ZFP36L2: variants seen among roughly 807,000 people sequenced by gnomAD.
The protein encoded by ZFP36L2 is ZFP36 like 2 zinc finger CCCH-type, also known as mRNA decay activator protein ZFP36L2.
In ZFP36L2, 16 loss-of-function variants were observed where a neutral mutation model predicts 27.9. That is an observed-to-expected ratio of 0.57 (90% CI 0.39 to 0.87). The LOEUF (loss-of-function observed/expected upper bound fraction) is 0.87, where lower values mean the gene tolerates loss of function less well. Among genes scored for constraint, ZFP36L2 ranks in the 40% least tolerant of loss-of-function variants. The pLI, the probability that ZFP36L2 is intolerant of heterozygous loss-of-function variation, is 0.00. For missense variants in ZFP36L2, 989 were observed against 726.9 expected, an observed-to-expected ratio of 1.36 and a Z score of -4.15; for synonymous variants, 600 against 363.8, an observed-to-expected ratio of 1.65 and a Z score of -7.39.
Position 43,225,134 on chromosome 2 carries a change from C to T in ZFP36L2, c.670G>A (p.Ala224Thr), listed in dbSNP as rs1667061084. The change falls in exon 2 of 2, where the codon GCG becomes ACG. Residue 224 changes from alanine to threonine, a missense_variant. Ala to Thr is a moderately conservative substitution (Grantham distance 58). Transcript: ENST00000282388. ...FIHNADERRP[A>T]PSGGASGDLR... ...TCCCCGGAGGCGCCCCCCGACGGCG[C>T]GGGCCGCCGCTCGTCCGCGTTGTGG... 3 of 1,593,314 alleles carry T rather than the reference C, an allele frequency of 1.9e-6. No homozygotes were observed. In the African/African-American group the frequency reaches 4.0e-5, roughly 21 times the overall value.
rs1263112629 is a variant in ZFP36L2 at position 43,225,467 on chromosome 2, G to C, written c.337C>G (p.Leu113Val). The change falls in exon 2 of 2, where the codon CTC (leucine) becomes GTC (valine). Residue 113 changes from leucine to valine, a missense_variant. Leu to Val is a conservative substitution (Grantham distance 32). Coordinates refer to ENST00000282388, the MANE Select transcript of ZFP36L2 (RefSeq NM_006887.5). ...EPSGGGGTAL[L>V]NKENKFRDRS... The stretch of plus-strand genomic sequence containing the variant: ...TCCCGGAATTTGTTCTCCTTGTTGA[G>C]CAGGGCTGTGCCGCCGCCCCCCGAC... The C allele has an allele frequency of 1.2e-6, 2 of 1,611,750 alleles. No homozygotes were observed. The highest frequency in any genetic ancestry group is 1.7e-6 in the Non-Finnish European group (2 of 1,179,184).
chr2:43,224,707 C>CCGAAGG lies in ZFP36L2; in HGVS notation c.1091_1096dup (p.Ala364_Phe365dup). ...CGTGATGAGGCTGCTGAGCTCCGGACCGAAGGCGAAGGCGTTGTTGGCGCA... is the reference window on the plus strand; with the variant it reads ...CGTGATGAGGCTGCTGAGCTCCGGACCGAAGGCGAAGGCGAAGGCGTTGTTGGCGCA... On this transcript the variant is annotated inframe_insertion, in exon 2 of 2. Transcript: ENST00000282388. 2 of 1,535,464 alleles carry CCGAAGG rather than the reference C, an allele frequency of 1.3e-6. No homozygotes were observed. Among genetic ancestry groups the CCGAAGG allele is most frequent in the Non-Finnish European group, 1.7e-6 (2 of 1,146,944 alleles).
At position 43,224,651 on chromosome 2, in the gene ZFP36L2, C is replaced by G. The variant is rs768200034; in HGVS notation, c.1153G>C (p.Ala385Pro). 34 of 1,512,712 alleles carry G rather than the reference C, an allele frequency of 2.2e-5. No homozygotes were observed. Among genetic ancestry groups the G allele is most frequent in the Non-Finnish European group, 2.7e-5 (31 of 1,134,566 alleles). The allele number at this position is 1,512,712 out of a possible 1,614,324, so 93.7% of individuals were successfully genotyped here. A position where few individuals can be genotyped will look rare whatever the true frequency, so the allele number is the denominator to read the frequency against. ...CGGTAGTAGGCGGCGGCGGCCACGG[C>G]GGCAAAGTTGTGGGTCTGGATGGCG... ...PLAIQTHNFA[A>P]VAAAAYYRSQ... The change falls in exon 2 of 2, where the codon GCC (alanine) becomes CCC (proline). Residue 385 changes from alanine to proline, a missense_variant. Transcript: ENST00000282388.
rs768383040 is a variant in ZFP36L2 at position 43,224,599 on chromosome 2, C to G, written c.1205G>C (p.Gly402Ala). The G allele has an allele frequency of 3.6e-6, 5 of 1,386,594 alleles. No homozygotes were observed. The South Asian group carries it at 7.6e-5, about 21-fold the overall frequency. 85.9% of individuals were successfully genotyped at this position (1,386,594 alleles called of 1,614,324 possible). The part of the protein sequence containing the change: ...YRSQQQQQQQ[G>A]LAPPAQPPAP... ...CGGCGGCTGCGCGGGGGGCGCCAGG[C>G]CCTGCTGCTGCTGCTGCTGCTGACT... Residue 402 changes from glycine (G) to alanine (A), a missense_variant, in exon 2 of 2, where the codon GGC becomes GCC. Coordinates refer to ENST00000282388, the MANE Select transcript of ZFP36L2 (RefSeq NM_006887.5).
In ZFP36L2 at chr2:43,225,484, C is replaced by T. The variant is rs762367560; in HGVS notation, c.320G>A (p.Gly107Asp). 9 of 1,610,400 alleles carry T rather than the reference C, an allele frequency of 5.6e-6. No individual in the cohort carries two copies. The highest frequency in any genetic ancestry group is 3.3e-5 in the Admixed American group (2 of 59,882). The change falls in exon 2 of 2, where the codon GGC becomes GAC. Residue 107 changes from glycine (G) to aspartate (D), a missense_variant. Transcript: ENST00000282388. Reference sequence around the variant, plus strand: ...CTTGTTGAGCAGGGCTGTGCCGCCGCCCCCCGACGGCTCCTTAAGGGTGCC... The same window carrying T: ...CTTGTTGAGCAGGGCTGTGCCGCCGTCCCCCGACGGCTCCTTAAGGGTGCC... Reference protein sequence around the residue: ...SYGTLKEPSGGGGTALLNKEN... With the variant: ...SYGTLKEPSGDGGTALLNKEN...
chr2:43,226,206 A>G, intron 1 of ZFP36L2, 59 bp downstream of exon 1: 4 of 1,549,258 alleles, frequency 2.6e-6, no homozygotes, highest in Non-Finnish European at 3.5e-6. Context: ...ACCTGGGGAC[A>G]GAGGCAAAGT....
rs771017073 is a variant in ZFP36L2, at chr2:43,225,310, C to T, written c.494G>A (p.Ser165Asn). The change falls in exon 2 of 2, where the codon AGC becomes AAC. Residue 165 changes from serine (S) to asparagine (N), a missense_variant. Physicochemically the swap from Ser to Asn is conservative, Grantham distance 46. Transcript: ENST00000282388. ...CTTTTCGCCGTACTTGCACGTGCCG[C>T]TCTCCTCGAAGGGCCGGCACAGCTC... Reference protein sequence around the residue: ...KTELCRPFEESGTCKYGEKCQ... With the variant: ...KTELCRPFEENGTCKYGEKCQ... 1 of 1,612,984 alleles carries T rather than the reference C, an allele frequency of 6.2e-7. No individual in the cohort carries two copies. The highest frequency in any genetic ancestry group is 1.1e-5 in the South Asian group (1 of 91,076).
chr2:43,226,449 G>T lies in ZFP36L2; in HGVS notation c.-134C>A. 2.6e-6 allele frequency: 3 copies of T among 1,165,920 alleles called. No homozygotes were observed. Among genetic ancestry groups the T allele is most frequent in the Non-Finnish European group, 3.7e-6 (3 of 807,490 alleles). The allele number at this position is 1,165,920 out of a possible 1,614,324, so 72.2% of individuals were successfully genotyped here. A position where few individuals can be genotyped will look rare whatever the true frequency, so the allele number is the denominator to read the frequency against. ...AGGGGCCGAAAGTTTGCCGGGGGGC[G>T]AGAGGAGAGGGCGAGTGCAGCGGCG... is the stretch of plus-strand genomic sequence containing the variant. On this transcript the variant is annotated 5_prime_UTR_variant, in exon 1 of 2. Transcript: ENST00000282388.
Position 43,226,321 on chromosome 2 carries a change from T to C in ZFP36L2, c.-6A>G, listed in dbSNP as rs1441169292. On this transcript the variant is annotated 5_prime_UTR_variant, in exon 1 of 2. Coordinates refer to ENST00000282388, the MANE Select transcript of ZFP36L2 (RefSeq NM_006887.5). ...GACAGAAGTGTGGTCGACATGTTTC[T>C]GGATCCCGCAGTGGCCGGAGCGGCA... 6.3e-7 allele frequency: 1 copy of C among 1,580,602 alleles called. No individual in the cohort carries two copies. Among genetic ancestry groups the C allele is most frequent in the Non-Finnish European group, 8.6e-7 (1 of 1,162,134 alleles).
chr2:43,226,535 T>C lies in ZFP36L2; in HGVS notation c.-220A>G, dbSNP rs1667111159. The C allele has an allele frequency of 1.9e-6, 1 of 534,272 alleles. No individual in the cohort carries two copies. Among genetic ancestry groups the C allele is most frequent in the Non-Finnish European group, 3.2e-6 (1 of 311,716 alleles). The allele number at this position is 534,272 out of a possible 1,614,324, so 33.1% of individuals were successfully genotyped here. ...GGGGAAGGAGAGAAGCGAGGAGCGC[T>C]CCTCCGCGCCCCGGGGTGCCCGGCC... On this transcript the variant is annotated 5_prime_UTR_variant, in exon 1 of 2. Transcript: ENST00000282388.
chr2:43,226,149 G>A (rs1667098405), intron 1 of ZFP36L2, 116 bp downstream of exon 1: 4 of 1,432,602 alleles, frequency 2.8e-6, no homozygotes, highest in Non-Finnish European at 2.9e-6. Context: ...TGCAAACCCC[G>A]GGACTTTCCC....
chr2:43,224,089 A>C lies in ZFP36L2; in HGVS notation c.*230T>G. ...CGACTTTTTTGCTCAAAAAGAATGAAACTTCGTAATAAAAATAAAAAAAAA... is the reference window on the plus strand; with the variant it reads ...CGACTTTTTTGCTCAAAAAGAATGACACTTCGTAATAAAAATAAAAAAAAA... On this transcript the variant is annotated 3_prime_UTR_variant, in exon 2 of 2. Coordinates refer to ENST00000282388, the MANE Select transcript of ZFP36L2 (RefSeq NM_006887.5). 2.5e-6 allele frequency: 1 copy of C among 405,894 alleles called. No homozygotes were observed. The highest frequency in any genetic ancestry group is 4.3e-6 in the Non-Finnish European group (1 of 232,892). The allele number at this position is 405,894 out of a possible 1,614,324, so 25.1% of individuals were successfully genotyped here. A position where few individuals can be genotyped will look rare whatever the true frequency, so the allele number is the denominator to read the frequency against.
chr2:43,224,425 A>G lies in ZFP36L2; in HGVS notation c.1379T>C (p.Leu460Pro). 6.5e-7 allele frequency: 1 copy of G among 1,549,810 alleles called. No individual in the cohort carries two copies. Among genetic ancestry groups the G allele is most frequent in the Non-Finnish European group, 8.7e-7 (1 of 1,154,198 alleles). ...GCTGCCGGAGCTCAGGGAGCCGCTT[A>G]GGTAGCTGTCGCGGTCCGACAGCGA... ...PDSLSDRDSYLSGSLSSGSLS... is the reference protein window; with the variant it reads ...PDSLSDRDSYPSGSLSSGSLS... The change falls in exon 2 of 2, where the codon CTA becomes CCA. Residue 460 changes from leucine (L) to proline (P), a missense_variant. Leu to Pro is a moderately conservative substitution (Grantham distance 98, BLOSUM62 -3). Coordinates refer to ENST00000282388, the MANE Select transcript of ZFP36L2 (RefSeq NM_006887.5).
chr2:43,223,836 C>T lies in ZFP36L2; in HGVS notation c.*483G>A, dbSNP rs1204324993. On this transcript the variant is annotated 3_prime_UTR_variant, in exon 2 of 2. Coordinates refer to ENST00000282388, the MANE Select transcript of ZFP36L2 (RefSeq NM_006887.5). The stretch of plus-strand genomic sequence containing the variant: ...CTGGTTTGTTTACACCGGTCTGAGA[C>T]ACAATTAGGAACTTCTTCCAAGAGA... The T allele has an allele frequency of 6.5e-6, 1 of 153,752 alleles. No individual in the cohort carries two copies. Among genetic ancestry groups the T allele is most frequent in the African/African-American group, 2.4e-5 (1 of 41,476 alleles). The allele number at this position is 153,752 out of a possible 1,614,324, so 9.5% of individuals were successfully genotyped here.
rs992612703 is a variant in ZFP36L2 at position 43,223,600 on chromosome 2, G to C, written c.*719C>G. On this transcript the variant is annotated 3_prime_UTR_variant, in exon 2 of 2. Coordinates refer to ENST00000282388, the MANE Select transcript of ZFP36L2 (RefSeq NM_006887.5). ...GCTTCCAGAGGGAGCAGACAAAATG[G>C]TTCTAAACTGAACATCCACTAAGTG... 1.3e-5 allele frequency: 2 copies of C among 152,632 alleles called. No homozygotes were observed. The highest frequency in any genetic ancestry group is 2.4e-5 in the African/African-American group (1 of 41,400). 9.5% of individuals were successfully genotyped at this position (152,632 alleles called of 1,614,324 possible).
Position 43,225,377 on chromosome 2 carries a change from C to G in ZFP36L2, c.427G>C (p.Gly143Arg), listed in dbSNP as rs374546953. Residue 143 changes from glycine to arginine, a missense_variant, in exon 2 of 2, where the codon GGG (glycine) becomes CGG (arginine). Physicochemically the swap from Gly to Arg is moderately radical, Grantham distance 125. Coordinates refer to ENST00000282388, the MANE Select transcript of ZFP36L2 (RefSeq NM_006887.5). The part of the protein sequence containing the change: ...HLLHLQQQQK[G>R]GGGSQINSTR... ...GAGTTGATCTGGGAGCCGCCGCCCCCCTTCTGCTGCTGCTGCAGGTGCAGG... is the reference window on the plus strand; with the variant it reads ...GAGTTGATCTGGGAGCCGCCGCCCCGCTTCTGCTGCTGCTGCAGGTGCAGG... 38 of 1,613,674 alleles carry G rather than the reference C, an allele frequency of 2.4e-5. No individual in the cohort carries two copies. Among genetic ancestry groups the G allele is most frequent in the African/African-American group, 9.3e-5 (7 of 75,052 alleles).
chr2:43,222,614 C>T lies in ZFP36L2; in HGVS notation c.*1705G>A, dbSNP rs979747480. The T allele has an allele frequency of 5.3e-5, 8 of 152,280 alleles. No homozygotes were observed. The highest frequency in any genetic ancestry group is 9.7e-5 in the African/African-American group (4 of 41,444). 9.4% of individuals were successfully genotyped at this position (152,280 alleles called of 1,614,324 possible). On this transcript the variant is annotated 3_prime_UTR_variant, in exon 2 of 2. Coordinates refer to ENST00000282388, the MANE Select transcript of ZFP36L2 (RefSeq NM_006887.5). ...GTACCTACGTACAAACTAAAGCTAC[C>T]GCTCATTCATCTGCTGTCCAGGAAA... is the stretch of plus-strand genomic sequence containing the variant.
In ZFP36L2 at chr2:43,225,071, C is replaced by G. The variant is rs1667059403; in HGVS notation, c.733G>C (p.Gly245Arg). 3.1e-6 allele frequency: 5 copies of G among 1,594,926 alleles called. No homozygotes were observed. The highest frequency in any genetic ancestry group is 4.2e-6 in the Non-Finnish European group (5 of 1,177,972). Residue 245 changes from glycine to arginine, a missense_variant, in exon 2 of 2, where the codon GGC becomes CGC. Gly to Arg is a moderately radical substitution (Grantham distance 125). Transcript: ENST00000282388. ...AFGTRDALHL[G>R]FPREPRPKLH... is the part of the protein sequence containing the mutation. Reference sequence around the variant, plus strand: ...TTGGGCCGCGGCTCCCGCGGGAAGCCCAGGTGCAACGCATCGCGCGTGCCA... The same window carrying G: ...TTGGGCCGCGGCTCCCGCGGGAAGCGCAGGTGCAACGCATCGCGCGTGCCA...
chr2:43,224,456 G>T lies in ZFP36L2; in HGVS notation c.1348C>A (p.Pro450Thr), dbSNP rs776232239. 6.6e-7 allele frequency: 1 copy of T among 1,516,196 alleles called. No homozygotes were observed. 93.9% of individuals were successfully genotyped at this position (1,516,196 alleles called of 1,614,324 possible). A position where few individuals can be genotyped will look rare whatever the true frequency, so the allele number is the denominator to read the frequency against. The change falls in exon 2 of 2, where the codon CCG (proline) becomes ACG (threonine). Residue 450 changes from proline (P) to threonine (T), a missense_variant. Pro to Thr is a conservative substitution (Grantham distance 38). Coordinates refer to ENST00000282388, the MANE Select transcript of ZFP36L2 (RefSeq NM_006887.5). Reference sequence around the variant, plus strand: ...CTGTCGCGGTCCGACAGCGAGTCCGGGGGGCTGGGGGGCGCGTCGAACACG... The same window carrying T: ...CTGTCGCGGTCCGACAGCGAGTCCGTGGGGCTGGGGGGCGCGTCGAACACG... ...SPVFDAPPSP[P>T]DSLSDRDSYL...
Sources: allele counts gnomAD v4.1 joint callset, GRCh38; gene constraint gnomAD v4.1.1; transcripts MANE v1.5; gene names NCBI Gene and HGNC (gene_info 2026-07-23, HGNC 2026-07-21).